NBPF12: variants seen among roughly 807,000 people sequenced by gnomAD.
NBPF12 encodes the protein NBPF family member NBPF12.
NBPF12 carries 115 observed loss-of-function variants against 146.4 expected under a neutral mutation model. That is an observed-to-expected ratio of 0.79 (90% CI 0.68 to 0.92). NBPF12 has a LOEUF of 0.92. NBPF12 is among the 40% of genes least tolerant of loss of function. The pLI is 0.00. For synonymous variants in NBPF12, 385 were observed against 508.9 expected (o/e 0.76, Z 3.28); for missense variants, 1,205 against 1,326.8 (o/e 0.91, Z 1.43).
At chr1:146,939,145 TC>T (rs1263975135) in intron 1 of NBPF12, among the ~76,000 whole-genome samples, 133 bp downstream of exon 1, 1 of 151,940 alleles carries the variant, frequency 6.6e-6, no homozygotes, top group Non-Finnish European at 1.5e-5. Flanking sequence ...GGGCCTAAGT[TC>T]CCTGCGCTTG....
chr1:146,962,409 C>G (rs1655910119), intron 5 of NBPF12, 146 bp downstream of exon 8: 1 of 685,182 alleles, frequency 1.5e-6, no homozygotes, highest in African/African-American at 1.8e-5. Context: ...AAATATTTAT[C>G]AGAGAACAAG....
exon 34 of NBPF12, chr1:146,994,714 G>A (rs1043489): frequency 7.1e-7 from 1 of 1,414,344 alleles, no homozygotes; most frequent in African/African-American, 1.5e-5. Context: ...CCTATTCTCA[G>A]AGCATGCCAG....
chr1:146,984,186 G>A lies in NBPF12; in HGVS notation c.2666+1G>A. On this transcript the variant is annotated splice_donor_variant, in intron 21 of 33. Coordinates refer to ENST00000617844, the Ensembl canonical transcript of NBPF12. LOFTEE classifies it high-confidence loss of function. ...AGGACCAAGAGGCAACAGGTCCCAG[G>A]TGAGTCTGAGAAATTGTGGACAGTT... 1 of 777,208 alleles carries A rather than the reference G, an allele frequency of 1.3e-6. No individual in the cohort carries two copies. The highest frequency in any genetic ancestry group is 1.4e-5 in the South Asian group (1 of 70,192). 48.1% of individuals were successfully genotyped at this position (777,208 alleles called of 1,614,324 possible). A position where few individuals can be genotyped will look rare whatever the true frequency, so the allele number is the denominator to read the frequency against.
chr1:146,964,675 G>T (rs1308080625), intron 7 of NBPF12, among the ~76,000 whole-genome samples: 3 of 151,930 alleles, frequency 2.0e-5, no homozygotes, highest in Non-Finnish European at 4.4e-5. Context: ...TCTGTCCAGT[G>T]CACTGAACAC....
At chr1:146,974,245 A>T (rs1195759366) in intron 14 of NBPF12, among the ~76,000 whole-genome samples, 1 of 146,874 alleles carries the variant, frequency 6.8e-6, no homozygotes. Context: ...TATGATTCTT[A>T]AAATCATAAC....
intron 16 of NBPF12, among the ~76,000 whole-genome samples, chr1:146,976,354 T>C (rs2101891353): frequency 7.1e-6 from 1 of 140,306 alleles, no homozygotes; most frequent in South Asian, 2.6e-4. Context: ...GTGGGAACAC[T>C]TACAACTGCT....
intron 22 of NBPF12, 25 bp downstream of exon 25, chr1:146,985,010 T>C (rs1657664382): frequency 3.0e-5 from 33 of 1,108,866 alleles, no homozygotes; most frequent in Non-Finnish European, 4.1e-5. Context: ...ATGAAGGTGA[T>C]AAGGATCCAC....
rs1303842232 is a variant in NBPF12, at chr1:146,970,798, A to C, written c.1379+79A>C. The C allele has an allele frequency of 1.1e-5, 13 of 1,188,038 alleles. No homozygotes were observed. In the East Asian group the frequency reaches 3.0e-4, roughly 28 times the overall value. 73.6% of individuals were successfully genotyped at this position (1,188,038 alleles called of 1,614,324 possible). ...AGGAGGCATGCCCTCTCTGGCATCT[A>C]TGATGGGCCAAAAGCCCGCATTCCC... On this transcript the variant is annotated intron_variant, in intron 12 of 33. Coordinates refer to ENST00000617844, the Ensembl canonical transcript of NBPF12.
At chr1:146,981,277 T>TA (rs878971787) in intron 19 of NBPF12, among the ~76,000 whole-genome samples, 13,267 of 101,118 alleles carry the variant, frequency 0.13, 1,350 homozygotes, top group Non-Finnish European at 0.19. Flanking sequence ...CTTAAAGTAT[T>TA]AAAAAAAAAA....
intron 29 of NBPF12, among the ~76,000 whole-genome samples, chr1:146,990,867 G>T (rs1340070284): frequency 1.2e-5 from 1 of 82,904 alleles, no homozygotes; most frequent in Non-Finnish European, 2.2e-5. Flanking sequence ...TCATCAGTGT[G>T]TCACCCGGCC....
intron 8 of NBPF12, among the ~76,000 whole-genome samples, chr1:146,965,512 G>A (rs1415589715): frequency 6.6e-6 from 1 of 151,044 alleles, no homozygotes; most frequent in Non-Finnish European, 1.5e-5. Context: ...GCTGGGCACA[G>A]TGGGTTCCAC....
chr1:146,970,832 A>G, intron 12 of NBPF12, 113 bp downstream of exon 15: 35 of 1,075,774 alleles, frequency 3.3e-5, no homozygotes, highest in Non-Finnish European at 3.6e-5. Flanking sequence ...CCTTGGCCAC[A>G]GTATGTGAAA....
intron 5 of NBPF12, 87 bp downstream of exon 8, chr1:146,962,350 G>A (rs1570840108): frequency 3.6e-6 from 4 of 1,110,774 alleles, no homozygotes; most frequent in Non-Finnish European, 5.4e-6. Flanking sequence ...TAAGAACGAA[G>A]CTGGGCCAGG....
chr1:146,968,823 G>A (rs1656374073), intron 10 of NBPF12, among the ~76,000 whole-genome samples: 1 of 151,426 alleles, frequency 6.6e-6, no homozygotes, highest in East Asian at 1.9e-4. Flanking sequence ...AAAGGAGTGT[G>A]AACCACACAG....
At chr1:146,962,702 A>G (rs1232558775) in intron 5 of NBPF12, among the ~76,000 whole-genome samples, 3 of 146,616 alleles carry the variant, frequency 2.0e-5, no homozygotes, top group Non-Finnish European at 4.5e-5. Context: ...AATTCGCCCC[A>G]TCTGCACCTG....
In NBPF12 at chr1:146,994,475, A is replaced by G. The variant is rs782490121; in HGVS notation, c.4274A>G (p.Gln1425Arg). ...AGTGTGTTTTACTCATTTGAGGAAC[A>G]GCACATCACCTTTGCCCTTGACATG... Residue 1425 changes from glutamine to arginine, a missense_variant, in exon 34 of 34, where the codon CAG becomes CGG. Coordinates refer to ENST00000617844, the Ensembl canonical transcript of NBPF12. 7.5e-6 allele frequency: 12 copies of G among 1,609,562 alleles called. No homozygotes were observed. In the African/African-American group the frequency reaches 1.1e-4, roughly 14 times the overall value.
chr1:146,968,682 A>G, intron 10 of NBPF12, 132 bp downstream of exon 13: 1 of 786,636 alleles, frequency 1.3e-6, no homozygotes, highest in South Asian at 1.5e-5. Context: ...GGCTCGCTAC[A>G]CACAAATATT....
At chr1:146,945,124 CT>C (rs1654990719), upstream of NBPF12, among the ~76,000 whole-genome samples, 1 of 146,630 alleles carries the variant, frequency 6.8e-6, no homozygotes, top group African/African-American at 2.5e-5. Context: ...TCTTTCCTTT[CT>C]TCTTTTCTTT....
intron 4 of NBPF12, among the ~76,000 whole-genome samples, chr1:146,960,642 G>A (rs1342082373): frequency 6.6e-6 from 1 of 151,884 alleles, no homozygotes; most frequent in African/African-American, 2.4e-5. Flanking sequence ...ATAAGATCCT[G>A]CAGACAAATA....
Sources: gnomAD v4.1 joint callset for allele counts (sites outside exome capture counted in the v4.1 genomes callset) on GRCh38, gnomAD v4.1.1 for gene constraint, MANE v1.5 for transcripts, NCBI Gene and HGNC (gene_info 2026-07-23, HGNC 2026-07-21) for gene names.